Variants in HKDC1 observed in about 807,000 individuals in gnomAD.
HKDC1 encodes hexokinase HKDC1.
In HKDC1, 66 loss-of-function variants were observed where a neutral mutation model predicts 96.6. The observed-to-expected ratio is 0.68, with a 90% CI of 0.56 to 0.84. The LOEUF (loss-of-function observed/expected upper bound fraction) is 0.84, where lower values mean the gene tolerates loss of function less well. HKDC1 is among the 40% of genes least tolerant of loss of function. The pLI, the probability that HKDC1 is intolerant of heterozygous loss-of-function variation, is 0.00. For missense variants in HKDC1, 1,211 were observed against 1,208.1 expected (o/e 1.00, Z -0.04); for synonymous variants, 466 against 473.1 (o/e 0.98, Z 0.20).
chr10:69,238,368 C>CTTT lies in HKDC1; in HGVS notation c.496-657_496-655dup, dbSNP rs55819248. On this transcript the variant is annotated intron_variant, in intron 4 of 17. Transcript: ENST00000354624. The stretch of plus-strand genomic sequence containing the variant: ...GCATGTATAATACACCAGGTATTTT[C>CTTT]TTTTTTTTTTTTTTTTTTTGAGACG... 4.9e-5 allele frequency among the ~76,000 whole-genome samples: 3 copies of CTTT among 61,382 alleles called. 1 individual carries two copies. The highest frequency in any genetic ancestry group is 2.5e-4 in the African/African-American group (3 of 12,110). The allele number at this position is 61,382 out of a possible 152,430, so 40.3% of individuals were successfully genotyped here. A position where few individuals can be genotyped will look rare whatever the true frequency, so the allele number is the denominator to read the frequency against.
At position 69,250,588 on chromosome 10, in the gene HKDC1, A is replaced by G. The variant is rs764245820; in HGVS notation, c.1772A>G (p.Lys591Arg). ...IADFLDYMGL[K>R]GASLPLGFTF... ...GACTTCCTGGACTACATGGGCCTCA[A>G]GGGAGCCTCCCTACCTTTGGGCTTC... Residue 591 changes from lysine to arginine, a missense_variant, in exon 12 of 18, where the codon AAG (lysine) becomes AGG (arginine). Lys to Arg is a conservative substitution (Grantham distance 26, BLOSUM62 2). Coordinates refer to ENST00000354624, the MANE Select transcript of HKDC1 (RefSeq NM_025130.4). The G allele has an allele frequency of 6.8e-6, 11 of 1,614,114 alleles. No homozygotes were observed. In the East Asian group the frequency reaches 2.2e-4, roughly 33 times the overall value.
In HKDC1 at chr10:69,265,775, A is replaced by G; in HGVS notation, c.2563A>G (p.Ile855Val). The change falls in exon 17 of 18, where the codon ATC becomes GTC. Residue 855 changes from isoleucine (I) to valine (V), a missense_variant. Physicochemically the swap from Ile to Val is conservative, Grantham distance 29 (BLOSUM62 3). Coordinates refer to ENST00000354624, the MANE Select transcript of HKDC1 (RefSeq NM_025130.4). Reference sequence around the variant, plus strand: ...AGACCAGGGGCTAGAGCACCTGAGGATCACTGTGGGTGTGGACGGCACCCT... The same window carrying G: ...AGACCAGGGGCTAGAGCACCTGAGGGTCACTGTGGGTGTGGACGGCACCCT... ...REDQGLEHLRITVGVDGTLYK... is the reference protein window; with the variant it reads ...REDQGLEHLRVTVGVDGTLYK... The G allele has an allele frequency of 1.2e-6, 2 of 1,613,586 alleles. No individual in the cohort carries two copies. The highest frequency in any genetic ancestry group is 2.2e-5 in the South Asian group (2 of 91,054).
chr10:69,265,463 G>T (rs1190353277), intron 16 of HKDC1, 122 bp from the exon 17 acceptor site: 1 of 819,496 alleles, frequency 1.2e-6, no homozygotes. Flanking sequence ...CCTAGCCATT[G>T]CCTGGGTCAA....
intron 10 of HKDC1, 73 bp from the exon 11 acceptor site, chr10:69,250,217 C>A: frequency 6.5e-7 from 1 of 1,531,818 alleles, no homozygotes; most frequent in Non-Finnish European, 8.9e-7. Context: ...TCTGCTCCGA[C>A]GTCTCCTCTT....
chr10:69,263,531 T>C (rs1843843032), intron 16 of HKDC1, among the ~76,000 whole-genome samples: 1 of 152,248 alleles, frequency 6.6e-6, no homozygotes, highest in Admixed American at 6.5e-5. Context: ...GACAGTGTTC[T>C]CCGGGGGAAG....
chr10:69,221,847 G>C (rs987853802), intron 1 of HKDC1, among the ~76,000 whole-genome samples: 4 of 151,926 alleles, frequency 2.6e-5, no homozygotes, highest in Non-Finnish European at 5.9e-5. Flanking sequence ...GTGGCAGGAT[G>C]GCTTGAGCCC....
intron 8 of HKDC1, 87 bp downstream of exon 8, chr10:69,246,321 G>C: frequency 7.0e-7 from 1 of 1,428,796 alleles, no homozygotes; most frequent in Non-Finnish European, 9.8e-7. Flanking sequence ...GACAGCAGGA[G>C]GGACTAGATC....
intron 7 of HKDC1, 151 bp downstream of exon 7, chr10:69,243,516 A>C: frequency 4.1e-6 from 2 of 491,078 alleles, no homozygotes; most frequent in Non-Finnish European, 6.3e-6. Context: ...TTTTTTTTTG[A>C]GATGGAGTCT....
At chr10:69,233,195 G>A in intron 4 of HKDC1, 62 bp downstream of exon 4, 1 of 1,601,322 alleles carries the variant, frequency 6.2e-7, no homozygotes, top group African/African-American at 1.3e-5. Context: ...GGCACGGGTG[G>A]GAGTCAGGCT....
Position 69,257,347 on chromosome 10 carries a change from T to C in HKDC1, c.1953T>C (p.Val651=). The change falls in exon 14 of 18, where the codon GTT becomes GTC. Residue 651 remains valine (V), a synonymous_variant. Coordinates refer to ENST00000354624, the MANE Select transcript of HKDC1 (RefSeq NM_025130.4). ...KRRNEFDLDI[V]AVVNDTVGTM... ...TTTAGGAGTTTGACCTGGACATTGT[T>C]GCAGTCGTGAATGATACAGTGGGGA... is the stretch of plus-strand genomic sequence containing the variant. The C allele has an allele frequency of 6.2e-7, 1 of 1,613,952 alleles. No homozygotes were observed. Among genetic ancestry groups the C allele is most frequent in the Non-Finnish European group, 8.5e-7 (1 of 1,179,794 alleles).
At chr10:69,227,033 G>A (rs541766685) in intron 1 of HKDC1, among the ~76,000 whole-genome samples, 174 bp from the exon 2 acceptor site, 1 of 152,138 alleles carries the variant, frequency 6.6e-6, no homozygotes, top group East Asian at 1.9e-4. Flanking sequence ...TTCCTAACTC[G>A]CTTCCCTGTC....
chr10:69,225,703 G>C (rs1843144412), intron 1 of HKDC1: 1 of 152,290 alleles, frequency 6.6e-6, no homozygotes, highest in Admixed American at 6.5e-5. Flanking sequence ...TGTCTGTCGG[G>C]CTTATGCATC....
At position 69,258,924 on chromosome 10, in the gene HKDC1, G is replaced by C; in HGVS notation, c.2181G>C (p.Glu727Asp). The C allele has an allele frequency of 6.3e-7, 1 of 1,597,972 alleles. No individual in the cohort carries two copies. Among genetic ancestry groups the C allele is most frequent in the Non-Finnish European group, 8.5e-7 (1 of 1,172,384 alleles). The change falls in exon 15 of 18, where the codon GAG becomes GAC. Residue 727 changes from glutamate (E) to aspartate (D), a missense_variant. Coordinates refer to ENST00000354624, the MANE Select transcript of HKDC1 (RefSeq NM_025130.4). Reference protein sequence around the residue: ...IDDIWTRYDTEVDEGSLNPGK... With the variant: ...IDDIWTRYDTDVDEGSLNPGK... ...ACATCTGGACCCGATACGACACGGAGGTGGATGAGGGGTCCTTGAATCCTG... is the reference window on the plus strand; with the variant it reads ...ACATCTGGACCCGATACGACACGGACGTGGATGAGGGGTCCTTGAATCCTG...
chr10:69,247,698 C>G, intron 9 of HKDC1, 105 bp downstream of exon 9: 1 of 818,824 alleles, frequency 1.2e-6, no homozygotes, highest in East Asian at 2.7e-5. Context: ...AACCAACAAC[C>G]CCTCTTGTTG....
chr10:69,230,793 T>C (rs1843245580), intron 2 of HKDC1, among the ~76,000 whole-genome samples: 1 of 151,978 alleles, frequency 6.6e-6, no homozygotes, highest in Non-Finnish European at 1.5e-5. Context: ...TTTTTGTCTT[T>C]TGTTTTGTAG....
At chr10:69,240,817 C>G in intron 6 of HKDC1, 66 bp downstream of exon 6, 1 of 1,247,868 alleles carries the variant, frequency 8.0e-7, no homozygotes, top group Non-Finnish European at 1.2e-6. Flanking sequence ...TTCATTTCAG[C>G]GAGCTCTGAG....
intron 4 of HKDC1, among the ~76,000 whole-genome samples, chr10:69,236,761 C>T (rs1370301137): frequency 7.2e-6 from 1 of 139,498 alleles, no homozygotes; most frequent in Middle Eastern, 3.4e-3. Context: ...GCCTGGGCAA[C>T]AAGAGTGAAA....
In HKDC1 at chr10:69,239,139, T is replaced by C. The variant is rs781459567; in HGVS notation, c.591+2T>C. ...ACCAAAGCCATGAGAAGACACAAGG[T>C]GAGGAATTCACCTCGGTGTGGGAGG... is the stretch of plus-strand genomic sequence containing the variant. On this transcript the variant is annotated splice_donor_variant, in intron 5 of 17. Coordinates refer to ENST00000354624, the MANE Select transcript of HKDC1 (RefSeq NM_025130.4). LOFTEE classifies it high-confidence loss of function. 1.2e-6 allele frequency: 2 copies of C among 1,612,010 alleles called. No individual in the cohort carries two copies. Among genetic ancestry groups the C allele is most frequent in the South Asian group, 2.2e-5 (2 of 90,972 alleles).
At chr10:69,227,841 G>C (rs1275542052) in intron 2 of HKDC1, among the ~76,000 whole-genome samples, 1 of 152,184 alleles carries the variant, frequency 6.6e-6, no homozygotes, top group Non-Finnish European at 1.5e-5. Context: ...CTGGGAATGA[G>C]TAATGGGAGC....
Sources: gnomAD v4.1 joint callset for allele counts (sites outside exome capture counted in the v4.1 genomes callset) on GRCh38, gnomAD v4.1.1 for gene constraint, MANE v1.5 for transcripts, NCBI Gene and HGNC (gene_info 2026-07-23, HGNC 2026-07-21) for gene names.